The following RPAIN variants were observed in gnomAD, a reference collection of about 807,000 sequenced individuals.
RPAIN encodes RPA interacting protein, also known as RPA-interacting protein.
In RPAIN, 29 loss-of-function variants were observed where a neutral mutation model predicts 30.5. The observed-to-expected ratio is 0.95, with a 90% CI of 0.71 to 1.30. RPAIN has a LOEUF of 1.30. RPAIN is among the 50% of genes most tolerant of loss of function. The probability of loss-of-function intolerance (pLI) is 0.00; values close to 1 mark genes in which losing one functional copy is unlikely to be tolerated. For missense variants in RPAIN, 247 were observed against 264.7 expected (o/e 0.93, Z 0.46); for synonymous variants, 101 against 93.5 (o/e 1.08, Z -0.46).
chr17:5,432,186 C>T (rs1916037376), intron 6 of RPAIN: 2 of 255,526 alleles, frequency 7.8e-6, no homozygotes, highest in East Asian at 8.8e-5. Flanking sequence ...TTTGGAGTCT[C>T]ATCTTCCTGC....
At chr17:5,420,940 T>C (rs1597338228) in intron 1 of RPAIN, among the ~76,000 whole-genome samples, 1 of 152,268 alleles carries the variant, frequency 6.6e-6, no homozygotes, top group East Asian at 1.9e-4. Context: ...CCTCCCTGAG[T>C]TCAGAAACGC....
intron 6 of RPAIN, chr17:5,431,764 G>T (rs1375510132): frequency 9.8e-6 from 4 of 409,036 alleles, no homozygotes; most frequent in South Asian, 1.8e-5. Context: ...CGGTGCTCAA[G>T]TGGTGGTCCT....
At chr17:5,429,605 T>C (rs757964542) in intron 6 of RPAIN, 3 of 985,484 alleles carry the variant, frequency 3.0e-6, no homozygotes, top group Non-Finnish European at 3.6e-6. Flanking sequence ...TCAGCTTGTA[T>C]GGAAAGAGAC....
intron 2 of RPAIN, 87 bp downstream of exon 2, chr17:5,421,553 C>G (rs951473245): frequency 8.2e-7 from 1 of 1,212,230 alleles, no homozygotes; most frequent in Non-Finnish European, 1.2e-6. Context: ...CTTGAGTCCT[C>G]TAAACCCACC....
chr17:5,431,379 C>T (rs774250220), intron 6 of RPAIN: 10 of 442,646 alleles, frequency 2.3e-5, no homozygotes, highest in African/African-American at 1.2e-4. Flanking sequence ...CCCAGCTACT[C>T]GGAAGGCTGA....
intron 3 of RPAIN, among the ~76,000 whole-genome samples, chr17:5,423,349 TAAAA>T (rs57082873): frequency 7.9e-6 from 1 of 127,156 alleles, no homozygotes; most frequent in Non-Finnish European, 1.7e-5. Context: ...TCTACAGAAG[TAAAA>T]AAAAAAAAAA....
At chr17:5,431,324 T>TA (rs1288536897) in intron 6 of RPAIN, 22 of 387,804 alleles carry the variant, frequency 5.7e-5, no homozygotes, top group Admixed American at 1.7e-4. Context: ...CTGTCTCTAC[T>TA]AAAAATACAG....
rs751039169 is a variant in RPAIN at position 5,422,874 on chromosome 17, G to T, written c.313+45G>T. The T allele has an allele frequency of 5.6e-6, 8 of 1,427,150 alleles. No homozygotes were observed. The African/African-American group carries it at 9.9e-5, about 18-fold the overall frequency. The allele number at this position is 1,427,150 out of a possible 1,614,324, so 88.4% of individuals were successfully genotyped here. A position where few individuals can be genotyped will look rare whatever the true frequency, so the allele number is the denominator to read the frequency against. ...CTTCCTTACCTGTATTTAGCTACTGGAATACTGTGACCTTTCCTCCAATCA... is the reference window on the plus strand; with the variant it reads ...CTTCCTTACCTGTATTTAGCTACTGTAATACTGTGACCTTTCCTCCAATCA... On this transcript the variant is annotated intron_variant, in intron 3 of 6. Coordinates refer to ENST00000381209, the MANE Select transcript of RPAIN (RefSeq NM_001033002.4).
Position 5,428,286 on chromosome 17 carries a change from A to G in RPAIN, c.630+75A>G, listed in dbSNP as rs778243856. The G allele has an allele frequency of 1.5e-5, 24 of 1,608,112 alleles. No individual in the cohort carries two copies. The South Asian group carries it at 2.5e-4, about 17-fold the overall frequency. The stretch of plus-strand genomic sequence containing the variant: ...TTTTATTCCCACCTTGATAGAAATA[A>G]TGACCTATAAACAGGTAAATGTTTA... On this transcript the variant is annotated intron_variant, in intron 6 of 6. Coordinates refer to ENST00000381209, the MANE Select transcript of RPAIN (RefSeq NM_001033002.4).
In RPAIN at chr17:5,420,287, G is replaced by A. The variant is rs1409326643; in HGVS notation, c.77G>A (p.Arg26Gln). 6.2e-7 allele frequency: 1 copy of A among 1,613,278 alleles called. No individual in the cohort carries two copies. Among genetic ancestry groups the A allele is most frequent in the South Asian group, 1.1e-5 (1 of 91,038 alleles). The part of the protein sequence containing the change: ...VGSPPWKEAF[R>Q]QRCLERMRNS... The stretch of plus-strand genomic sequence containing the variant: ...TCGCCGCCTTGGAAAGAGGCTTTCC[G>A]GCAGGTGGGTATGGGGTTTGTGCAG... Residue 26 changes from arginine (R) to glutamine (Q), a missense_variant, in exon 1 of 7, where the codon CGG becomes CAG. By Grantham distance (43) the Arg-to-Gln change is conservative (BLOSUM62 1). Coordinates refer to ENST00000381209, the MANE Select transcript of RPAIN (RefSeq NM_001033002.4).
chr17:5,422,788 T>A lies in RPAIN; in HGVS notation c.272T>A (p.Met91Lys), dbSNP rs1170813035. 6.2e-7 allele frequency: 1 copy of A among 1,613,240 alleles called. No individual in the cohort carries two copies. Among genetic ancestry groups the A allele is most frequent in the South Asian group, 1.1e-5 (1 of 91,010 alleles). ...TTCCAGCTGGAGGAGCTGATAGACA[T>A]GGCTGTGCTGGAGGAAATTCAACAG... ...DLAQLEELID[M>K]AVLEEIQQEL... The change falls in exon 3 of 7, where the codon ATG becomes AAG. Residue 91 changes from methionine (M) to lysine (K), a missense_variant. Met to Lys is a moderately conservative substitution (Grantham distance 95). Transcript: ENST00000381209.
At chr17:5,431,914 T>A (rs919839137) in intron 6 of RPAIN, 4 of 304,320 alleles carry the variant, frequency 1.3e-5, no homozygotes, top group Non-Finnish European at 1.9e-5. Context: ...GCTAAGCCTG[T>A]GGGAGTTATT....
rs760551877 is a variant in RPAIN at position 5,421,434 on chromosome 17, T to G, written c.220T>G (p.Ser74Ala). Reference sequence around the variant, plus strand: ...GGAAGAAGAGTGGAATGCTTTGCAGTCAGTGGAGAATTGTCCAGAAGACTT... The same window carrying G: ...GGAAGAAGAGTGGAATGCTTTGCAGGCAGTGGAGAATTGTCCAGAAGACTT... ...VMEEEWNALQ[S>A]VENCPEDLAQ... Residue 74 changes from serine to alanine, a missense_variant, in exon 2 of 7, where the codon TCA (serine) becomes GCA (alanine). Ser to Ala is a moderately conservative substitution (Grantham distance 99). Transcript: ENST00000381209. The G allele has an allele frequency of 6.2e-7, 1 of 1,614,002 alleles. No individual in the cohort carries two copies. The highest frequency in any genetic ancestry group is 8.5e-7 in the Non-Finnish European group (1 of 1,179,972).
In RPAIN at chr17:5,428,105, G is replaced by C; in HGVS notation, c.524G>C (p.Cys175Ser). ...TTGACAGAGCAGAAGCTTCGTGCCT[G>C]TTTAGAGGGTAGTATAAATGAGCAC... ...SELTEQKLRA[C>S]LEGSINEHSA... The change falls in exon 6 of 7, where the codon TGT becomes TCT. Residue 175 changes from cysteine to serine, a missense_variant. Transcript: ENST00000381209. The C allele has an allele frequency of 6.2e-7, 1 of 1,614,166 alleles. No homozygotes were observed. Among genetic ancestry groups the C allele is most frequent in the South Asian group, 1.1e-5 (1 of 91,086 alleles).
At chr17:5,431,530 G>A (rs72634034) in intron 6 of RPAIN, 83,606 of 445,350 alleles carry the variant, frequency 0.19, 11,645 homozygotes, top group East Asian at 0.69. Flanking sequence ...ATTGTATTCT[G>A]TAGGTCTTGA....
chr17:5,428,220 C>A lies in RPAIN; in HGVS notation c.630+9C>A, dbSNP rs772355401. The A allele has an allele frequency of 3.1e-6, 5 of 1,614,074 alleles. No individual in the cohort carries two copies. In the East Asian group the frequency reaches 8.9e-5, roughly 29 times the overall value. ...TTCTCATGAGCTGTCTGGTAAGCGT[C>A]TCCTGGGACCCACTCTGTGGTAAGA... On this transcript the variant is annotated intron_variant, in intron 6 of 6. Transcript: ENST00000381209.
intron 3 of RPAIN, chr17:5,425,137 C>T (rs1303063614): frequency 2.9e-5 from 10 of 339,786 alleles, no homozygotes; most frequent in Non-Finnish European, 5.1e-5. Context: ...ATAAGCGTGA[C>T]TGTAGTTTTT....
chr17:5,426,201 G>A (rs1222795592), intron 4 of RPAIN, 35 bp from the exon 5 acceptor site: 3 of 1,607,436 alleles, frequency 1.9e-6, no homozygotes, highest in Non-Finnish European at 2.6e-6. Flanking sequence ...AGGTCTGGTG[G>A]CCATGATGCT....
chr17:5,429,370 T>C, intron 6 of RPAIN: 1 of 985,432 alleles, frequency 1.0e-6, no homozygotes, highest in Middle Eastern at 5.2e-4. Flanking sequence ...CTGGAGTATA[T>C]ACAAAGAGCA....
Sources: allele counts gnomAD v4.1 joint callset (sites outside exome capture counted in the v4.1 genomes callset), GRCh38; gene constraint gnomAD v4.1.1; transcripts MANE v1.5; gene names NCBI Gene and HGNC (gene_info 2026-07-23, HGNC 2026-07-21).